Variants in GRK5 observed in about 807,000 individuals in gnomAD.
GRK5 encodes g protein-coupled receptor kinase GRK5.
In GRK5, 40 loss-of-function variants were observed where a neutral mutation model predicts 78.4. The observed-to-expected ratio is 0.51, with a 90% CI of 0.40 to 0.66. GRK5 has a LOEUF of 0.66. Among genes scored for constraint, GRK5 ranks in the 30% least tolerant of loss-of-function variants. GRK5 has a pLI of 0.00. For missense variants in GRK5, 598 were observed against 759.9 expected, an observed-to-expected ratio of 0.79 and a Z score of 2.50; for synonymous variants, 289 against 296.8, an observed-to-expected ratio of 0.97 and a Z score of 0.27.
intron 2 of GRK5, among the ~76,000 whole-genome samples, chr10:119,349,505 T>A (rs1159303777): frequency 6.6e-6 from 1 of 152,102 alleles, no homozygotes; most frequent in Non-Finnish European, 1.5e-5. Flanking sequence ...GTGGGACAAA[T>A]AAATAACGCC....
chr10:119,305,198 G>A (rs749235250), intron 1 of GRK5, among the ~76,000 whole-genome samples: 6 of 151,978 alleles, frequency 3.9e-5, no homozygotes, highest in South Asian at 2.1e-4. Context: ...CCAGAGTCCC[G>A]TGGTCCTCCA....
intron 2 of GRK5, among the ~76,000 whole-genome samples, chr10:119,346,659 G>GA (rs982644848): frequency 6.6e-6 from 1 of 152,288 alleles, no homozygotes; most frequent in African/African-American, 2.4e-5. Flanking sequence ...CGTGCCACCT[G>GA]GCTGGCCATC....
At chr10:119,427,533 TCAG>T (rs1427782219) in intron 6 of GRK5, among the ~76,000 whole-genome samples, 13 of 147,444 alleles carry the variant, frequency 8.8e-5, no homozygotes, top group African/African-American at 2.7e-4. Flanking sequence ...ACCGCCATCA[TCAG>T]TATCACCACC....
At chr10:119,446,208 A>G (rs1191909252) in intron 12 of GRK5, among the ~76,000 whole-genome samples, 1 of 152,174 alleles carries the variant, frequency 6.6e-6, no homozygotes, top group Non-Finnish European at 1.5e-5. Flanking sequence ...GCATGATTGC[A>G]AACTCTTTAC....
intron 1 of GRK5, among the ~76,000 whole-genome samples, chr10:119,241,434 T>TA (rs1849024060): frequency 6.6e-6 from 1 of 152,228 alleles, no homozygotes; most frequent in Non-Finnish European, 1.5e-5. Context: ...AATGTTCAAC[T>TA]AGCTTTTCCT....
chr10:119,272,525 G>A (rs1297259343), intron 1 of GRK5, among the ~76,000 whole-genome samples: 2 of 147,316 alleles, frequency 1.4e-5, no homozygotes, highest in Admixed American at 6.9e-5. Flanking sequence ...GCAGTGAGCC[G>A]AGATCATGCA....
intron 1 of GRK5, among the ~76,000 whole-genome samples, chr10:119,256,277 A>AC (rs1449265393): frequency 1.3e-5 from 2 of 151,316 alleles, no homozygotes; most frequent in Non-Finnish European, 2.9e-5. Flanking sequence ...CTCTGGGCGG[A>AC]CCCCCCCACA....
chr10:119,268,443 G>T (rs1016469811), intron 1 of GRK5, among the ~76,000 whole-genome samples: 2 of 152,182 alleles, frequency 1.3e-5, no homozygotes, highest in Non-Finnish European at 2.9e-5. Context: ...GCCACAGTTT[G>T]CGCCAGTCCT....
intron 14 of GRK5, 101 bp from the exon 15 acceptor site, chr10:119,453,044 G>A (rs1853322746): frequency 2.2e-6 from 2 of 891,166 alleles, no homozygotes. Flanking sequence ...GTGTGGCTCA[G>A]GGGCAGGTGA....
chr10:119,216,957 TAAAAA>T (rs1848585833), intron 1 of GRK5, among the ~76,000 whole-genome samples: 1 of 151,848 alleles, frequency 6.6e-6, no homozygotes, highest in Non-Finnish European at 1.5e-5. Flanking sequence ...AAAAAAAACA[TAAAAA>T]TAAAAAAAGG....
At position 119,367,679 on chromosome 10, in the gene GRK5, G is replaced by A. The variant is rs1229995618; in HGVS notation, c.149-13136G>A. Among the ~76,000 whole-genome samples, 4 of 152,258 alleles carry A rather than the reference G, an allele frequency of 2.6e-5. No individual in the cohort carries two copies. The East Asian group carries it at 5.8e-4, about 22-fold the overall frequency. On this transcript the variant is annotated intron_variant, in intron 2 of 15. Transcript: ENST00000392870. ...CAGGCTTGGTCTCAAAATGGGAATGGCCTCACAGCATGGTGTTGATAAAGA... is the reference window on the plus strand; with the variant it reads ...CAGGCTTGGTCTCAAAATGGGAATGACCTCACAGCATGGTGTTGATAAAGA...
intron 3 of GRK5, among the ~76,000 whole-genome samples, chr10:119,394,065 GTGTC>G (rs1466667466): frequency 2.0e-5 from 3 of 150,188 alleles, no homozygotes; most frequent in Non-Finnish European, 3.0e-5. Context: ...TTGTGTGTGT[GTGTC>G]TGTGGGTGTG....
At chr10:119,284,446 C>T (rs11198859) in intron 1 of GRK5, among the ~76,000 whole-genome samples, 6,938 of 152,094 alleles carry the variant, frequency 0.046, 278 homozygotes, top group African/African-American at 0.11. Flanking sequence ...CTATTTAATC[C>T]GATATGTACA....
intron 1 of GRK5, among the ~76,000 whole-genome samples, chr10:119,258,301 A>T (rs970133170): frequency 6.6e-6 from 1 of 152,230 alleles, no homozygotes; most frequent in Non-Finnish European, 1.5e-5. Context: ...ATTTCTGAGC[A>T]AGAGTTCAGG....
At chr10:119,350,593 C>G (rs558676229) in intron 2 of GRK5, among the ~76,000 whole-genome samples, 1 of 152,302 alleles carries the variant, frequency 6.6e-6, no homozygotes, top group South Asian at 2.1e-4. Flanking sequence ...TTTCAGCTGT[C>G]GAAGTGGTGC....
chr10:119,279,184 A>T (rs1849717886), intron 1 of GRK5, among the ~76,000 whole-genome samples: 1 of 152,102 alleles, frequency 6.6e-6, no homozygotes, highest in Admixed American at 6.5e-5. Flanking sequence ...CTGGCCCCTG[A>T]CCTCTTTTAT....
At chr10:119,422,229 G>A (rs1852584701) in intron 4 of GRK5, among the ~76,000 whole-genome samples, 1 of 152,166 alleles carries the variant, frequency 6.6e-6, no homozygotes, top group Non-Finnish European at 1.5e-5. Flanking sequence ...TGCCCTGGGT[G>A]GAGCTGCCTT....
intron 1 of GRK5, among the ~76,000 whole-genome samples, chr10:119,257,177 T>G (rs758027420): frequency 1.3e-5 from 2 of 152,238 alleles, no homozygotes; most frequent in Non-Finnish European, 2.9e-5. Flanking sequence ...CCTCCTGCTG[T>G]CCCTTGAGTT....
intron 1 of GRK5, among the ~76,000 whole-genome samples, chr10:119,240,403 A>G (rs983484623): frequency 5.9e-5 from 9 of 151,498 alleles, no homozygotes; most frequent in African/African-American, 7.3e-5. Flanking sequence ...GGGTTTCACC[A>G]TGTTAGCCAG....
Sources: gnomAD v4.1 joint callset for allele counts (sites outside exome capture counted in the v4.1 genomes callset) on GRCh38, gnomAD v4.1.1 for gene constraint, MANE v1.5 for transcripts, NCBI Gene and HGNC (gene_info 2026-07-23, HGNC 2026-07-21) for gene names.